Variants in KLHL32 observed in about 807,000 individuals in gnomAD.
KLHL32 encodes the protein kelch like family member 32.
KLHL32 carries 35 observed loss-of-function variants against 64.8 expected under a neutral mutation model. That is an observed-to-expected ratio of 0.54 (90% confidence interval 0.41 to 0.72). KLHL32 has a LOEUF of 0.72. Ranked by LOEUF, KLHL32 falls within the 30% of genes least tolerant of loss-of-function variation. The pLI, the probability that KLHL32 is intolerant of heterozygous loss-of-function variation, is 0.00. For synonymous variants in KLHL32, 259 were observed against 281.0 expected, an observed-to-expected ratio of 0.92 and a Z score of 0.78; for missense variants, 589 against 768.5, an observed-to-expected ratio of 0.77 and a Z score of 2.76.
At chr6:97,004,556 G>A (rs138305614) in intron 3 of KLHL32, among the ~76,000 whole-genome samples, 1,747 of 152,164 alleles carry the variant, frequency 0.011, 17 homozygotes, top group Middle Eastern at 0.031. Flanking sequence ...TCTTGTTCCC[G>A]TTCTCAAGGG....
rs778328399 is a variant in KLHL32, at chr6:97,113,899, C to T, written c.744C>T (p.His248=). The change falls in exon 7 of 11, where the codon CAC becomes CAT. Residue 248 remains histidine (H), a synonymous_variant. Coordinates refer to ENST00000369261, the MANE Select transcript of KLHL32 (RefSeq NM_052904.4). ...CTCTCCATACAGTTGCCCTGTCCCA[C>T]CCCCTTGTCCAAGCAAGTGAGACTG... ...VDTLHTVALS[H]PLVQASETAT... 9.3e-6 allele frequency: 15 copies of T among 1,613,992 alleles called. No individual in the cohort carries two copies. In the East Asian group the frequency reaches 3.3e-4, roughly 36 times the overall value.
At chr6:97,103,674 G>A (rs1006180854) in intron 6 of KLHL32, among the ~76,000 whole-genome samples, 3 of 152,186 alleles carry the variant, frequency 2.0e-5, no homozygotes, top group African/African-American at 7.2e-5. Flanking sequence ...TGACTATGAT[G>A]TAACCTAGTT....
intron 3 of KLHL32, among the ~76,000 whole-genome samples, chr6:97,031,077 A>G (rs1783469645): frequency 6.6e-6 from 1 of 152,144 alleles, no homozygotes; most frequent in Admixed American, 6.6e-5. Flanking sequence ...TTTGCTGCCA[A>G]GGAGACTTTG....
chr6:97,123,367 C>G (rs1299125205), intron 7 of KLHL32, among the ~76,000 whole-genome samples: 2 of 152,128 alleles, frequency 1.3e-5, no homozygotes, highest in African/African-American at 4.8e-5. Flanking sequence ...GCGAGTTGTA[C>G]AGGGAAGCTT....
intron 3 of KLHL32, chr6:96,994,532 T>C: frequency 2.0e-6 from 2 of 985,372 alleles, no homozygotes; most frequent in Middle Eastern, 5.2e-4. Context: ...CAAGTAATTG[T>C]TGTTCTGATT....
At chr6:96,958,971 G>A (rs13211612) in intron 1 of KLHL32, among the ~76,000 whole-genome samples, 29,879 of 152,018 alleles carry the variant, frequency 0.2, 3,154 homozygotes, top group African/African-American at 0.26. Context: ...TCTCTGCTTG[G>A]ACCCCCACAG....
chr6:97,025,472 C>T (rs1782590204), intron 3 of KLHL32, among the ~76,000 whole-genome samples: 1 of 152,194 alleles, frequency 6.6e-6, no homozygotes, highest in Non-Finnish European at 1.5e-5. Flanking sequence ...TGGGAATTAG[C>T]TAACTTCATG....
intron 4 of KLHL32, among the ~76,000 whole-genome samples, chr6:97,045,944 A>G (rs1785853461): frequency 6.6e-6 from 1 of 152,198 alleles, no homozygotes; most frequent in African/African-American, 2.4e-5. Flanking sequence ...AGAAAGCCAA[A>G]TGAGATGAAA....
At chr6:97,090,799 A>G (rs1399974700) in intron 6 of KLHL32, among the ~76,000 whole-genome samples, 1 of 152,240 alleles carries the variant, frequency 6.6e-6, no homozygotes, top group African/African-American at 2.4e-5. Context: ...AATCAAACTC[A>G]TGTCTTCTAA....
At chr6:97,028,720 G>T (rs1311730316) in intron 3 of KLHL32, among the ~76,000 whole-genome samples, 1 of 152,164 alleles carries the variant, frequency 6.6e-6, no homozygotes, top group Non-Finnish European at 1.5e-5. Flanking sequence ...GCCATTGGCT[G>T]CCATATGCGA....
rs752214577 is a variant in KLHL32 at position 97,085,289 on chromosome 6, A to C, written c.575A>C (p.Glu192Ala). The C allele has an allele frequency of 6.2e-7, 1 of 1,613,442 alleles. No individual in the cohort carries two copies. The highest frequency in any genetic ancestry group is 8.5e-7 in the Non-Finnish European group (1 of 1,180,024). ...ACGCTTCCCTATTGCCTGCTTCAGG[A>C]GGTGCTGAAGAGCGACCGCCTGACC... ...VLTLPYCLLQ[E>A]VLKSDRLTSL... Residue 192 changes from glutamate (E) to alanine (A), a missense_variant, in exon 6 of 11, where the codon GAG (glutamate) becomes GCG (alanine). Transcript: ENST00000369261.
chr6:97,035,756 C>G (rs1784200879), intron 3 of KLHL32, among the ~76,000 whole-genome samples: 1 of 152,072 alleles, frequency 6.6e-6, no homozygotes, highest in Non-Finnish European at 1.5e-5. Flanking sequence ...TTGCTTCTTT[C>G]AAAATTCTCT....
At chr6:96,948,591 G>C (rs1023302825) in intron 1 of KLHL32, among the ~76,000 whole-genome samples, 1 of 152,034 alleles carries the variant, frequency 6.6e-6, no homozygotes, top group Non-Finnish European at 1.5e-5. Flanking sequence ...TTCACTAATA[G>C]TATTTAGCAG....
At chr6:97,049,392 T>C (rs1786469362) in intron 4 of KLHL32, among the ~76,000 whole-genome samples, 1 of 152,166 alleles carries the variant, frequency 6.6e-6, no homozygotes, top group Non-Finnish European at 1.5e-5. Context: ...AATGAGGATA[T>C]GCTGAACAAA....
intron 3 of KLHL32, among the ~76,000 whole-genome samples, chr6:96,991,190 A>G (rs1316138809): frequency 6.6e-6 from 1 of 151,732 alleles, no homozygotes; most frequent in African/African-American, 2.4e-5. Context: ...GGACCAGTGC[A>G]CTGGCGGTGG....
At chr6:97,001,991 G>T (rs1407081221) in intron 3 of KLHL32, among the ~76,000 whole-genome samples, 2 of 152,174 alleles carry the variant, frequency 1.3e-5, no homozygotes, top group East Asian at 3.8e-4. Flanking sequence ...TAGATAGATA[G>T]ATAACTCTAC....
At chr6:97,090,893 G>A (rs1451109802) in intron 6 of KLHL32, among the ~76,000 whole-genome samples, 1 of 152,228 alleles carries the variant, frequency 6.6e-6, no homozygotes, top group African/African-American at 2.4e-5. Context: ...GCACAGAGGT[G>A]CATCCAATTA....
Position 97,139,169 on chromosome 6 carries a change from A to G in KLHL32, c.1750A>G (p.Thr584Ala). 1.2e-6 allele frequency: 2 copies of G among 1,614,076 alleles called. No individual in the cohort carries two copies. The highest frequency in any genetic ancestry group is 1.1e-5 in the South Asian group (1 of 91,076). ...CAAAGAAGAAGTATTCTATGGGCCT[A>G]CACTCCCTTTTGCTTCCAATGGAAT... is the stretch of plus-strand genomic sequence containing the variant. ...EGKEEVFYGP[T>A]LPFASNGIAA... The change falls in exon 11 of 11, where the codon ACA (threonine) becomes GCA (alanine). Residue 584 changes from threonine to alanine, a missense_variant. Physicochemically the swap from Thr to Ala is moderately conservative, Grantham distance 58. Coordinates refer to ENST00000369261, the MANE Select transcript of KLHL32 (RefSeq NM_052904.4).
chr6:97,105,611 G>C (rs1796305852), intron 6 of KLHL32: 7 of 430,060 alleles, frequency 1.6e-5, no homozygotes, highest in South Asian at 1.0e-4. Context: ...TCTGCAACCA[G>C]ATTTTACATA....
Sources: allele counts gnomAD v4.1 joint callset (sites outside exome capture counted in the v4.1 genomes callset), GRCh38; gene constraint gnomAD v4.1.1; transcripts MANE v1.5; gene names NCBI Gene and HGNC (gene_info 2026-07-23, HGNC 2026-07-21).